Variants in POC5 observed in about 807,000 individuals in gnomAD.
The protein encoded by POC5 is POC5 centriolar protein.
A neutral mutation model predicts 62.9 loss-of-function variants in POC5; 48 were observed. The observed-to-expected ratio is 0.76, with a 90% confidence interval of 0.61 to 0.97. The LOEUF is 0.97. POC5 is among the 50% of genes least tolerant of loss of function. The pLI, the probability that POC5 is intolerant of heterozygous loss-of-function variation, is 0.00. For synonymous variants in POC5, 236 were observed against 228.2 expected (o/e 1.03, Z -0.31); for missense variants, 696 against 679.5 (o/e 1.02, Z -0.27).
intron 1 of POC5, among the ~76,000 whole-genome samples, chr5:75,714,491 A>T (rs1777472043): frequency 6.6e-6 from 1 of 152,212 alleles, no homozygotes; most frequent in South Asian, 2.1e-4. Flanking sequence ...AGGAAGTAGC[A>T]ATGGGAAGGG....
intron 1 of POC5, among the ~76,000 whole-genome samples, chr5:75,713,814 G>A (rs6873350): frequency 0.033 from 4,986 of 152,264 alleles, 268 homozygotes; most frequent in African/African-American, 0.11. Context: ...AAACACAGGT[G>A]TAGATATTCT....
chr5:75,691,457 A>G (rs985800444), intron 7 of POC5, among the ~76,000 whole-genome samples: 2 of 152,232 alleles, frequency 1.3e-5, no homozygotes, highest in Non-Finnish European at 2.9e-5. Context: ...ACTTTGTTTC[A>G]TGCATAAAAT....
In POC5 at chr5:75,707,632, G is replaced by A. The variant is rs1166061008; in HGVS notation, c.223+105C>T. The A allele has an allele frequency of 1.3e-5, 12 of 907,524 alleles. No homozygotes were observed. The Admixed American group carries it at 1.9e-4, about 14-fold the overall frequency. 56.2% of individuals were successfully genotyped at this position (907,524 alleles called of 1,614,324 possible). ...ATGATACTAATACACATAAATGGTTGAGAAGAATCACTGATCTGGACAGGC... is the reference window on the plus strand; with the variant it reads ...ATGATACTAATACACATAAATGGTTAAGAAGAATCACTGATCTGGACAGGC... On this transcript the variant is annotated intron_variant, in intron 3 of 11. Transcript: ENST00000428202.
chr5:75,691,712 T>TAC (rs1486081593), intron 7 of POC5, among the ~76,000 whole-genome samples: 1 of 151,870 alleles, frequency 6.6e-6, no homozygotes, highest in Non-Finnish European at 1.5e-5. Context: ...GGAAAGCATA[T>TAC]ATATATATAT....
chr5:75,707,057 A>G (rs1777150569), intron 3 of POC5, among the ~76,000 whole-genome samples: 1 of 152,190 alleles, frequency 6.6e-6, no homozygotes, highest in African/African-American at 2.4e-5. Flanking sequence ...TTACGCCTAT[A>G]GTGTGATAAC....
intron 2 of POC5, chr5:75,709,694 T>C (rs956750390): frequency 6.6e-5 from 10 of 152,316 alleles, no homozygotes; most frequent in Admixed American, 3.3e-4. Context: ...CCAAAGCATA[T>C]TGGTTTTCTA....
chr5:75,697,690 C>G (rs1214900982), intron 5 of POC5, among the ~76,000 whole-genome samples: 2 of 151,236 alleles, frequency 1.3e-5, no homozygotes, highest in African/African-American at 2.4e-5. Context: ...GTCATTGATC[C>G]TGTCAGGATC....
At chr5:75,703,201 A>G (rs1776964585) in intron 4 of POC5, among the ~76,000 whole-genome samples, 1 of 152,254 alleles carries the variant, frequency 6.6e-6, no homozygotes, top group African/African-American at 2.4e-5. Context: ...ACCCTAAAAA[A>G]TAGGTATTAT....
chr5:75,686,545 A>G (rs561890379), intron 9 of POC5, among the ~76,000 whole-genome samples: 2 of 152,334 alleles, frequency 1.3e-5, no homozygotes, highest in African/African-American at 4.8e-5. Flanking sequence ...GAAAGGGACT[A>G]ATTCAATATA....
At position 75,694,688 on chromosome 5, in the gene POC5, T is replaced by C. The variant is rs1012723535; in HGVS notation, c.657A>G (p.Lys219=). 4.4e-6 allele frequency: 7 copies of C among 1,576,872 alleles called. No homozygotes were observed. The African/African-American group carries it at 8.3e-5, about 19-fold the overall frequency. Residue 219 remains lysine (K), a synonymous_variant, in exon 6 of 12, where the codon AAA becomes AAG. Transcript: ENST00000428202. ...NQINELKELQ[K]TFEISIGRKD... ...TTCTCCCAATGGAGATTTCAAAGGT[T>C]TTTTGCAGCTCCTTCAATTCATTGA...
At chr5:75,713,495 A>G (rs1005953731) in intron 1 of POC5, among the ~76,000 whole-genome samples, 6 of 152,258 alleles carry the variant, frequency 3.9e-5, no homozygotes, top group Non-Finnish European at 8.8e-5. Context: ...GAACTATCTG[A>G]ATACCAGTAA....
At position 75,702,779 on chromosome 5, in the gene POC5, A is replaced by C. The variant is rs994444734; in HGVS notation, c.339T>G (p.Pro113=). 62 of 1,588,150 alleles carry C rather than the reference A, an allele frequency of 3.9e-5. No individual in the cohort carries two copies. The highest frequency in any genetic ancestry group is 5.0e-5 in the Non-Finnish European group (58 of 1,166,414). ...ESSPVLSPRK[P]SHPVMDFFSS... ...TGAAAAAATCCATGACTGGGTGAGAAGGCTTCCTTGGCGATAACACTGGTG... is the reference window on the plus strand; with the variant it reads ...TGAAAAAATCCATGACTGGGTGAGACGGCTTCCTTGGCGATAACACTGGTG... The change falls in exon 5 of 12, where the codon CCT becomes CCG. Residue 113 remains proline, a synonymous_variant. Transcript: ENST00000428202.
chr5:75,706,529 T>C (rs1259564991), intron 3 of POC5, among the ~76,000 whole-genome samples: 1 of 152,032 alleles, frequency 6.6e-6, no homozygotes, highest in Non-Finnish European at 1.5e-5. Flanking sequence ...TCCCAGATGA[T>C]TACCTTGAAC....
At position 75,702,845 on chromosome 5, in the gene POC5, A is replaced by G. The variant is rs772824075; in HGVS notation, c.308-35T>C. 5.4e-6 allele frequency: 8 copies of G among 1,472,618 alleles called. No individual in the cohort carries two copies. In the South Asian group the frequency reaches 7.4e-5, roughly 14 times the overall value. The allele number at this position is 1,472,618 out of a possible 1,614,324, so 91.2% of individuals were successfully genotyped here. On this transcript the variant is annotated intron_variant, in intron 4 of 11. Coordinates refer to ENST00000428202, the MANE Select transcript of POC5 (RefSeq NM_001099271.2). ...AGAAAAGTTGTAGCTGTCAAGCCAA[A>G]TTGAAAATAACTCAAGTTGGTAAGG... is the stretch of plus-strand genomic sequence containing the variant.
intron 1 of POC5, among the ~76,000 whole-genome samples, chr5:75,713,738 A>T (rs1253124290): frequency 6.6e-6 from 1 of 152,214 alleles, no homozygotes; most frequent in Admixed American, 6.5e-5. Flanking sequence ...TTTTTAGAGA[A>T]GATGACCCAG....
chr5:75,705,766 T>A lies in POC5; in HGVS notation c.245A>T (p.Glu82Val), dbSNP rs1361449012. The stretch of plus-strand genomic sequence containing the variant: ...TCCTTTTCCAACTTCTATTGCAGTT[T>A]CTCTTACTTCAGAGTTATTTCCTGC... ...HSQGNNSEVR[E>V]TAIEVGKGCD... Residue 82 changes from glutamate (E) to valine (V), a missense_variant, in exon 4 of 12, where the codon GAA becomes GTA. Glu to Val is a moderately radical substitution (Grantham distance 121, BLOSUM62 -2). Coordinates refer to ENST00000428202, the MANE Select transcript of POC5 (RefSeq NM_001099271.2). 1 of 1,550,980 alleles carries A rather than the reference T, an allele frequency of 6.4e-7. No homozygotes were observed. Among genetic ancestry groups the A allele is most frequent in the South Asian group, 1.2e-5 (1 of 81,626 alleles).
intron 10 of POC5, among the ~76,000 whole-genome samples, chr5:75,684,745 C>A (rs1043297279): frequency 6.6e-6 from 1 of 152,048 alleles, no homozygotes; most frequent in African/African-American, 2.4e-5. Flanking sequence ...ATTTTCATTA[C>A]AATTTAATGC....
intron 1 of POC5, 115 bp downstream of exon 1, chr5:75,717,191 G>A (rs576715310): frequency 2.6e-5 from 4 of 152,344 alleles, no homozygotes; most frequent in Non-Finnish European, 5.9e-5. Flanking sequence ...AATCACTCGC[G>A]GTCTGGGGAA....
At chr5:75,715,457 C>T (rs922160069) in intron 1 of POC5, among the ~76,000 whole-genome samples, 3 of 151,502 alleles carry the variant, frequency 2.0e-5, no homozygotes, top group Non-Finnish European at 2.9e-5. Context: ...TCTTAGATGG[C>T]GGCAGGTGAG....
Sources: gnomAD v4.1 joint callset for allele counts (sites outside exome capture counted in the v4.1 genomes callset) on GRCh38, gnomAD v4.1.1 for gene constraint, MANE v1.5 for transcripts, NCBI Gene and HGNC (gene_info 2026-07-23, HGNC 2026-07-21) for gene names.